Variants in HSPA4L observed in about 807,000 individuals in gnomAD.
HSPA4L encodes heat shock protein family A (Hsp70) member 4 like.
In HSPA4L, 48 loss-of-function variants were observed where a neutral mutation model predicts 100.3. The ratio of observed to expected loss-of-function variants is 0.48; its 90% CI spans 0.38 to 0.61. The LOEUF is 0.61. Ranked by LOEUF, HSPA4L falls within the 20% of genes least tolerant of loss-of-function variation. HSPA4L has a pLI of 0.00. For missense variants in HSPA4L, 886 were observed against 988.6 expected (o/e 0.90, Z 1.39); for synonymous variants, 319 against 328.2 (o/e 0.97, Z 0.30).
chr4:127,828,240 A>C (rs535142921), intron 17 of HSPA4L, among the ~76,000 whole-genome samples: 4 of 152,110 alleles, frequency 2.6e-5, no homozygotes, highest in Admixed American at 6.5e-5. Flanking sequence ...CCCTACTCTA[A>C]GTAAATATTC....
Position 127,832,694 on chromosome 4 carries a change from T to C in HSPA4L, c.2340T>C (p.Asn780=). ...EIVAKSKELD[N]FCNPIIYKPK... ...CTTCATGTCTTTAGGAACTGGATAA[T>C]TTCTGTAACCCCATCATTTACAAGC... The change falls in exon 19 of 19, where the codon AAT becomes AAC. Residue 780 remains asparagine (N), a synonymous_variant. Transcript: ENST00000296464. 6.2e-7 allele frequency: 1 copy of C among 1,604,710 alleles called. No homozygotes were observed. Among genetic ancestry groups the C allele is most frequent in the Non-Finnish European group, 8.5e-7 (1 of 1,176,140 alleles).
chr4:127,816,010 G>A (rs1192842774), intron 12 of HSPA4L, among the ~76,000 whole-genome samples: 2 of 152,184 alleles, frequency 1.3e-5, no homozygotes, highest in Admixed American at 1.3e-4. Context: ...TAGAAGAGTG[G>A]TTGGTGTATA....
rs771351099 is a variant in HSPA4L at position 127,805,804 on chromosome 4, T to G, written c.1244+11T>G. The G allele has an allele frequency of 3.9e-6, 6 of 1,540,270 alleles. No homozygotes were observed. In the Admixed American group the frequency reaches 1.0e-4, roughly 26 times the overall value. On this transcript the variant is annotated intron_variant, in intron 10 of 18. Coordinates refer to ENST00000296464, the MANE Select transcript of HSPA4L (RefSeq NM_014278.4). Reference sequence around the variant, plus strand: ...TGAAGATGGAAGTGGGTAAGTTATTTTTAAAACCTTGATTAGAGCTTGTCA... The same window carrying G: ...TGAAGATGGAAGTGGGTAAGTTATTGTTAAAACCTTGATTAGAGCTTGTCA...
At chr4:127,789,375 G>A (rs755791044) in intron 1 of HSPA4L, among the ~76,000 whole-genome samples, 9 of 152,140 alleles carry the variant, frequency 5.9e-5, no homozygotes, top group African/African-American at 1.7e-4. Flanking sequence ...GGCCGGGCAC[G>A]GTGGCTCACG....
At chr4:127,801,409 G>A (rs930641605) in intron 5 of HSPA4L, among the ~76,000 whole-genome samples, 172 bp downstream of exon 5, 8 of 151,458 alleles carry the variant, frequency 5.3e-5, no homozygotes, top group African/African-American at 1.5e-4. Flanking sequence ...AGCCTGTGAG[G>A]CAGAGCTAGA....
intron 13 of HSPA4L, 30 bp from the exon 14 acceptor site, chr4:127,820,398 G>T: frequency 6.5e-7 from 1 of 1,547,842 alleles, no homozygotes; most frequent in East Asian, 2.3e-5. Flanking sequence ...GCTAATTTTA[G>T]AAATTTATAC....
intron 1 of HSPA4L, among the ~76,000 whole-genome samples, chr4:127,793,545 G>A (rs1732933620): frequency 6.6e-6 from 1 of 151,960 alleles, no homozygotes; most frequent in Non-Finnish European, 1.5e-5. Flanking sequence ...ATTTAAATGT[G>A]GTAATTAAAA....
intron 17 of HSPA4L, 66 bp downstream of exon 17, chr4:127,827,490 T>C (rs1181094080): frequency 6.4e-7 from 1 of 1,567,798 alleles, no homozygotes; most frequent in Non-Finnish European, 8.7e-7. Flanking sequence ...GGGGCAAATC[T>C]AAAAGTTCTC....
chr4:127,783,524 T>C (rs1560647793), intron 1 of HSPA4L: 3 of 1,493,666 alleles, frequency 2.0e-6, no homozygotes, highest in Non-Finnish European at 2.7e-6. Flanking sequence ...TGTTTCCACA[T>C]GTTCCGTTGT....
At chr4:127,790,488 A>T (rs901467646) in intron 1 of HSPA4L, among the ~76,000 whole-genome samples, 6 of 152,218 alleles carry the variant, frequency 3.9e-5, no homozygotes, top group Non-Finnish European at 5.9e-5. Flanking sequence ...AGATGTGAAG[A>T]TGTCATCTAA....
intron 15 of HSPA4L, 52 bp from the exon 16 acceptor site, chr4:127,823,465 T>C: frequency 7.5e-7 from 1 of 1,337,902 alleles, no homozygotes; most frequent in Non-Finnish European, 1.1e-6. Flanking sequence ...AATGATGACT[T>C]TTATTTCTAA....
rs143377960 is a variant in HSPA4L at position 127,811,540 on chromosome 4, C to T, written c.1482C>T (p.Ser494=). ...TCCATGGAATCTTCAGTGTGGCTAG[C>T]GCATCAGTAATTGAGAAGCAAAATT... ...VNIHGIFSVA[S]ASVIEKQNLE... The change falls in exon 12 of 19, where the codon AGC becomes AGT. Residue 494 remains serine (S), a synonymous_variant. Transcript: ENST00000296464. The T allele has an allele frequency of 6.8e-6, 11 of 1,613,564 alleles. No homozygotes were observed. The highest frequency in any genetic ancestry group is 1.3e-5 in the African/African-American group (1 of 74,964).
chr4:127,799,198 T>C (rs1578697203), intron 4 of HSPA4L, among the ~76,000 whole-genome samples: 1 of 152,302 alleles, frequency 6.6e-6, no homozygotes, highest in East Asian at 1.9e-4. Context: ...ATTCCTACTA[T>C]TCAACTTGAC....
chr4:127,801,554 G>A (rs1733182960), intron 5 of HSPA4L, among the ~76,000 whole-genome samples: 1 of 151,328 alleles, frequency 6.6e-6, no homozygotes, highest in Admixed American at 6.6e-5. Flanking sequence ...TTTTGGCAGA[G>A]GTTAAATATG....
intron 2 of HSPA4L, among the ~76,000 whole-genome samples, 187 bp downstream of exon 2, chr4:127,794,321 T>C (rs1732961337): frequency 6.6e-6 from 1 of 152,116 alleles, no homozygotes; most frequent in Non-Finnish European, 1.5e-5. Flanking sequence ...AAATATTTCT[T>C]GAATTTTATT....
chr4:127,830,299 T>G (rs929427499), intron 17 of HSPA4L, among the ~76,000 whole-genome samples: 4 of 152,224 alleles, frequency 2.6e-5, no homozygotes, highest in Non-Finnish European at 5.9e-5. Flanking sequence ...ATTTTGTGTC[T>G]AGTTTGCTAT....
intron 1 of HSPA4L, among the ~76,000 whole-genome samples, chr4:127,788,423 C>G (rs1448964946): frequency 1.3e-5 from 2 of 152,178 alleles, no homozygotes; most frequent in Non-Finnish European, 2.9e-5. Context: ...CCCCCTCCCC[C>G]TTCTAGGGCA....
Position 127,805,209 on chromosome 4 carries a change from A to G in HSPA4L, c.1122A>G (p.Arg374=). The G allele has an allele frequency of 6.2e-7, 1 of 1,607,608 alleles. No homozygotes were observed. Among genetic ancestry groups the G allele is most frequent in the Non-Finnish European group, 8.5e-7 (1 of 1,177,686 alleles). The change falls in exon 9 of 19, where the codon AGA becomes AGG. Residue 374 remains arginine (R), a synonymous_variant. Transcript: ENST00000296464. ...TTLNADEAVA[R]GCALQCAILS... is the part of the protein sequence containing the mutation. ...TAAATGCTGATGAAGCTGTTGCAAG[A>G]GGATGTGCGTTACAGGTATAATTGT... is the stretch of plus-strand genomic sequence containing the variant.
chr4:127,805,122 A>G lies in HSPA4L; in HGVS notation c.1035A>G (p.Thr345=), dbSNP rs1177231729. 1 of 1,612,348 alleles carries G rather than the reference A, an allele frequency of 6.2e-7. No individual in the cohort carries two copies. The highest frequency in any genetic ancestry group is 8.5e-7 in the Non-Finnish European group (1 of 1,179,014). Residue 345 remains threonine (T), a synonymous_variant, in exon 9 of 19, where the codon ACA becomes ACG. Coordinates refer to ENST00000296464, the MANE Select transcript of HSPA4L (RefSeq NM_014278.4). ...ISSIEIVGGA[T]RIPAVKEQIT... ...GTATAGAAATTGTAGGAGGAGCAAC[A>G]CGAATTCCTGCAGTGAAAGAACAAA...
Sources: allele counts gnomAD v4.1 joint callset (sites outside exome capture counted in the v4.1 genomes callset), GRCh38; gene constraint gnomAD v4.1.1; transcripts MANE v1.5; gene names NCBI Gene and HGNC (gene_info 2026-07-23, HGNC 2026-07-21).